Variants in DIS3L2 observed in about 807,000 individuals in gnomAD.
The protein encoded by DIS3L2 is DIS3-like exonuclease 2.
Under a neutral mutation model 97.5 loss-of-function variants are expected in DIS3L2, and 34 were observed. The ratio of observed to expected loss-of-function variants is 0.35; its 90% confidence interval spans 0.27 to 0.46. The LOEUF (loss-of-function observed/expected upper bound fraction) is 0.46. DIS3L2 is among the 20% of genes least tolerant of loss of function. The pLI, the probability that DIS3L2 is intolerant of heterozygous loss-of-function variation, is 1.00. For synonymous variants in DIS3L2, 435 were observed against 445.2 expected (o/e 0.98, Z 0.29); for missense variants, 1,038 against 1,146.0 (o/e 0.91, Z 1.36).
At chr2:232,306,435 G>A (rs1036852095) in intron 14 of DIS3L2, among the ~76,000 whole-genome samples, 15 of 152,148 alleles carry the variant, frequency 9.9e-5, no homozygotes, top group African/African-American at 3.4e-4. Flanking sequence ...CAGTTGCCAC[G>A]GTAAAAATTA....
intron 13 of DIS3L2, among the ~76,000 whole-genome samples, chr2:232,263,872 G>GA (rs1302310677): frequency 4.0e-5 from 6 of 151,896 alleles, no homozygotes; most frequent in Non-Finnish European, 5.9e-5. Flanking sequence ...CGAAGGCTTG[G>GA]AAAAAAAGTA....
At chr2:232,144,421 T>C (rs1389518820) in intron 8 of DIS3L2, among the ~76,000 whole-genome samples, 1 of 152,154 alleles carries the variant, frequency 6.6e-6, no homozygotes, top group East Asian at 1.9e-4. Flanking sequence ...CATCTTTCCA[T>C]ATACTCATGG....
chr2:232,010,502 GATTT>G (rs1694167955), intron 1 of DIS3L2, among the ~76,000 whole-genome samples: 1 of 151,856 alleles, frequency 6.6e-6, no homozygotes, highest in East Asian at 1.9e-4. Flanking sequence ...ATCTCATTGA[GATTT>G]ATTTTAATTT....
chr2:232,139,778 G>A lies in DIS3L2; in HGVS notation c.950+3059G>A, dbSNP rs1462096538. Among the ~76,000 whole-genome samples the A allele has an allele frequency of 4.6e-5, 7 of 152,290 alleles. No homozygotes were observed. In the East Asian group the frequency reaches 1.4e-3, roughly 29 times the overall value. Reference sequence around the variant, plus strand: ...GTAAAGAATAGATGAGAAGGGACATGCCTAGTAGCAGGAGGTCATAATACA... The same window carrying A: ...GTAAAGAATAGATGAGAAGGGACATACCTAGTAGCAGGAGGTCATAATACA... On this transcript the variant is annotated intron_variant, in intron 8 of 20. Transcript: ENST00000325385.
At chr2:232,146,916 T>C (rs1690232052) in intron 8 of DIS3L2, among the ~76,000 whole-genome samples, 1 of 152,164 alleles carries the variant, frequency 6.6e-6, no homozygotes, top group Non-Finnish European at 1.5e-5. Flanking sequence ...CTCAGAATCC[T>C]CTCTCAAATA....
At chr2:232,069,655 G>A (rs943142579) in intron 5 of DIS3L2, among the ~76,000 whole-genome samples, 1 of 152,164 alleles carries the variant, frequency 6.6e-6, no homozygotes, top group Non-Finnish European at 1.5e-5. Flanking sequence ...CTCATTAAGA[G>A]CTTATCGGGT....
intron 5 of DIS3L2, among the ~76,000 whole-genome samples, chr2:232,047,668 A>T (rs993368444): frequency 6.6e-6 from 1 of 152,242 alleles, no homozygotes; most frequent in Non-Finnish European, 1.5e-5. Context: ...ATCTAATTCC[A>T]GAATATTATT....
In DIS3L2 at chr2:232,329,935, T is replaced by C. The variant is rs772312903; in HGVS notation, c.1862T>C (p.Leu621Pro). Reference protein sequence around the residue: ...PPPQTRMLSDLVEFCDQMGLP... With the variant: ...PPPQTRMLSDPVEFCDQMGLP... ...CCCCAAACAAGGATGCTCAGTGACC[T>C]GGTGGAATTCTGCGACCAGATGGGG... The change falls in exon 15 of 21, where the codon CTG (leucine) becomes CCG (proline). Residue 621 changes from leucine to proline, a missense_variant. This residue lies in a region of DIS3L2 where 813 missense variants were observed against 880.1 expected (regional missense o/e 0.92). Transcript: ENST00000325385. The C allele has an allele frequency of 2.1e-5, 34 of 1,612,920 alleles. No homozygotes were observed. Among genetic ancestry groups the C allele is most frequent in the Non-Finnish European group, 2.9e-5 (34 of 1,179,768 alleles).
At chr2:232,005,282 C>G (rs1486204086) in intron 1 of DIS3L2, among the ~76,000 whole-genome samples, 4 of 147,574 alleles carry the variant, frequency 2.7e-5, no homozygotes, top group African/African-American at 7.5e-5. Context: ...CTCCTGTTGG[C>G]TTAAATCTCA....
intron 5 of DIS3L2, among the ~76,000 whole-genome samples, chr2:232,062,571 C>T (rs1485424307): frequency 6.6e-6 from 1 of 152,146 alleles, no homozygotes. Flanking sequence ...ATGTCCTCAT[C>T]GTTCTTTGAA....
At chr2:232,236,707 T>C (rs1692941671) in intron 10 of DIS3L2, among the ~76,000 whole-genome samples, 1 of 152,166 alleles carries the variant, frequency 6.6e-6, no homozygotes. Flanking sequence ...TCCATGTGCT[T>C]CTCTCTGCCC....
intron 5 of DIS3L2, among the ~76,000 whole-genome samples, chr2:232,043,195 A>G (rs1341351702): frequency 1.3e-5 from 2 of 152,136 alleles, no homozygotes; most frequent in Non-Finnish European, 2.9e-5. Flanking sequence ...TTTGCTTTGC[A>G]TTATCTTTAC....
At chr2:232,145,118 A>G (rs1451203835) in intron 8 of DIS3L2, among the ~76,000 whole-genome samples, 1 of 152,156 alleles carries the variant, frequency 6.6e-6, no homozygotes, top group African/African-American at 2.4e-5. Flanking sequence ...ATTTTAGCAT[A>G]CATTGGTGCT....
intron 9 of DIS3L2, among the ~76,000 whole-genome samples, chr2:232,191,225 C>A (rs1433891064): frequency 6.6e-6 from 1 of 152,150 alleles, no homozygotes; most frequent in African/African-American, 2.4e-5. Context: ...TTTGAGCTTG[C>A]TGGCAAGTGG....
At chr2:231,971,534 G>A (rs538430773) in intron 1 of DIS3L2, among the ~76,000 whole-genome samples, 203 of 152,162 alleles carry the variant, frequency 1.3e-3, no homozygotes, top group African/African-American at 4.7e-3. Context: ...TGCAAGCTCC[G>A]CCTCCCAGGT....
intron 10 of DIS3L2, among the ~76,000 whole-genome samples, chr2:232,229,410 G>C (rs1360551884): frequency 6.6e-6 from 1 of 152,172 alleles, no homozygotes; most frequent in Non-Finnish European, 1.5e-5. Context: ...TTTTGGCTTT[G>C]AGTAAGGACC....
At chr2:232,267,235 A>G (rs1693876609) in intron 13 of DIS3L2, among the ~76,000 whole-genome samples, 5 of 152,212 alleles carry the variant, frequency 3.3e-5, no homozygotes. Flanking sequence ...TAGCATATGT[A>G]TATACTAGTT....
intron 8 of DIS3L2, among the ~76,000 whole-genome samples, chr2:232,137,692 A>G (rs941509754): frequency 6.6e-6 from 1 of 152,222 alleles, no homozygotes; most frequent in East Asian, 1.9e-4. Flanking sequence ...TGTGTGTCAT[A>G]TGTAAGAGTG....
intron 9 of DIS3L2, among the ~76,000 whole-genome samples, chr2:232,173,517 C>T (rs572185527): frequency 6.6e-6 from 1 of 152,318 alleles, no homozygotes; most frequent in African/African-American, 2.4e-5. Context: ...TAGGCATGAG[C>T]CACCGTGCCT....
Sources: gnomAD v4.1 joint callset for allele counts (sites outside exome capture counted in the v4.1 genomes callset) on GRCh38, gnomAD v4.1.1 for gene constraint, gnomAD v4.1.1 regional missense constraint, MANE v1.5 for transcripts, NCBI Gene and HGNC (gene_info 2026-07-23, HGNC 2026-07-21) for gene names.